MTHFD1L: variants seen among roughly 807,000 people sequenced by gnomAD.
MTHFD1L encodes methylenetetrahydrofolate dehydrogenase (NADP+ dependent) 1 like.
Under a neutral mutation model 119.5 loss-of-function variants are expected in MTHFD1L, and 81 were observed. That is an observed-to-expected ratio of 0.68 (90% CI 0.57 to 0.82). MTHFD1L has a LOEUF of 0.82. Among genes scored for constraint, MTHFD1L ranks in the 40% least tolerant of loss-of-function variants. The pLI is 0.00. For missense variants in MTHFD1L, 1,125 were observed against 1,253.4 expected, an observed-to-expected ratio of 0.90 and a Z score of 1.55; for synonymous variants, 430 against 475.2, an observed-to-expected ratio of 0.90 and a Z score of 1.24.
At chr6:151,100,643 C>CTT (rs201978471) in intron 27 of MTHFD1L, among the ~76,000 whole-genome samples, 11 of 134,930 alleles carry the variant, frequency 8.2e-5, no homozygotes, top group African/African-American at 1.9e-4. Flanking sequence ...TGTTTTGTTT[C>CTT]TTTTTTTTTT....
At chr6:151,073,814 C>A (rs972349765) in intron 26 of MTHFD1L, among the ~76,000 whole-genome samples, 2 of 151,958 alleles carry the variant, frequency 1.3e-5, no homozygotes, top group Admixed American at 6.6e-5. Context: ...AGCAAGAGAG[C>A]AACATTGAGC....
chr6:150,870,809 G>A (rs1583287481), intron 1 of MTHFD1L, among the ~76,000 whole-genome samples: 1 of 151,696 alleles, frequency 6.6e-6, no homozygotes, highest in African/African-American at 2.4e-5. Flanking sequence ...CACTTGGGAG[G>A]CTGAGGCAGG....
intron 8 of MTHFD1L, among the ~76,000 whole-genome samples, chr6:150,913,167 A>G (rs544292053): frequency 4.1e-5 from 6 of 145,684 alleles, no homozygotes; most frequent in Non-Finnish European, 7.6e-5. Context: ...TGCCCAACTA[A>G]TTTTTTTTTT....
chr6:151,067,448 T>C (rs1045462173), intron 26 of MTHFD1L, among the ~76,000 whole-genome samples: 5 of 152,016 alleles, frequency 3.3e-5, no homozygotes, highest in Non-Finnish European at 5.9e-5. Flanking sequence ...CTCAGCCTCC[T>C]GTGTAGCTGG....
chr6:151,010,524 G>A (rs929473485), intron 21 of MTHFD1L, among the ~76,000 whole-genome samples: 1 of 152,116 alleles, frequency 6.6e-6, no homozygotes, highest in Non-Finnish European at 1.5e-5. Flanking sequence ...TTGTTTCTAA[G>A]AGCTTTGCTT....
At chr6:151,048,087 G>A (rs1241817302) in intron 26 of MTHFD1L, among the ~76,000 whole-genome samples, 1 of 152,054 alleles carries the variant, frequency 6.6e-6, no homozygotes, top group African/African-American at 2.4e-5. Flanking sequence ...CCATGATCCA[G>A]TCACCTCCCA....
At chr6:150,937,426 G>T (rs1369421558) in intron 12 of MTHFD1L, among the ~76,000 whole-genome samples, 2 of 152,138 alleles carry the variant, frequency 1.3e-5, no homozygotes, top group Admixed American at 6.5e-5. Context: ...CTGATATCTG[G>T]CACTTCCCCA....
In MTHFD1L at chr6:151,091,968, A is replaced by G. The variant is rs181914940; in HGVS notation, c.2848-499A>G. Among the ~76,000 whole-genome samples, 1,102 of 152,310 alleles carry G rather than the reference A, an allele frequency of 7.2e-3. 7 individuals carry two copies. The highest frequency in any genetic ancestry group is 9.2e-3 in the Non-Finnish European group (623 of 68,042). Reference sequence around the variant, plus strand: ...AGTGCCCATCACAAAGCAAGCTCTCAGTAGATATCAGTTACTGTTATTGAG... The same window carrying G: ...AGTGCCCATCACAAAGCAAGCTCTCGGTAGATATCAGTTACTGTTATTGAG... On this transcript the variant is annotated intron_variant, in intron 26 of 27. Coordinates refer to ENST00000367321, the MANE Select transcript of MTHFD1L (RefSeq NM_015440.5).
chr6:150,883,415 T>C (rs1214295419), intron 5 of MTHFD1L, among the ~76,000 whole-genome samples: 1 of 152,336 alleles, frequency 6.6e-6, no homozygotes, highest in South Asian at 2.1e-4. Context: ...CAATGCCATA[T>C]GATCTTACAC....
intron 1 of MTHFD1L, among the ~76,000 whole-genome samples, chr6:150,872,468 A>T (rs1252410577): frequency 6.6e-6 from 1 of 152,090 alleles, no homozygotes; most frequent in Non-Finnish European, 1.5e-5. Flanking sequence ...GCCAGAGGAG[A>T]GGGAGAGAGA....
At chr6:150,994,523 T>G (rs991662485) in intron 20 of MTHFD1L, among the ~76,000 whole-genome samples, 1 of 152,190 alleles carries the variant, frequency 6.6e-6, no homozygotes, top group Non-Finnish European at 1.5e-5. Flanking sequence ...TCGTCTCTAT[T>G]TTGACAGCAT....
intron 20 of MTHFD1L, among the ~76,000 whole-genome samples, chr6:150,989,551 A>G (rs1455562511): frequency 1.3e-5 from 2 of 152,232 alleles, no homozygotes; most frequent in African/African-American, 4.8e-5. Context: ...TAAAAGTTTT[A>G]GTTTGCTAGT....
chr6:151,023,048 GTTT>G (rs34683676), intron 24 of MTHFD1L, among the ~76,000 whole-genome samples: 1 of 134,164 alleles, frequency 7.5e-6, no homozygotes, highest in Non-Finnish European at 1.6e-5. Context: ...TGGTTTTTGG[GTTT>G]TTTTTTTTTT....
chr6:150,964,768 C>T (rs2129006788), intron 18 of MTHFD1L, among the ~76,000 whole-genome samples: 1 of 152,282 alleles, frequency 6.6e-6, no homozygotes, highest in East Asian at 1.9e-4. Flanking sequence ...ACCCCATCAC[C>T]ATTCACATCT....
chr6:150,965,440 T>C (rs1624104), intron 19 of MTHFD1L, among the ~76,000 whole-genome samples: 71,400 of 151,480 alleles, frequency 0.47, 17,707 homozygotes, highest in South Asian at 0.59. Context: ...GTGGGCGGAT[T>C]ATGAGGTCAG....
At chr6:150,988,087 A>C (rs1279232366) in intron 20 of MTHFD1L, among the ~76,000 whole-genome samples, 1 of 152,202 alleles carries the variant, frequency 6.6e-6, no homozygotes, top group Non-Finnish European at 1.5e-5. Context: ...AGTTCTGCTT[A>C]CCATCATAAA....
At chr6:150,990,088 G>T (rs1169191437) in intron 20 of MTHFD1L, among the ~76,000 whole-genome samples, 2 of 152,098 alleles carry the variant, frequency 1.3e-5, no homozygotes, top group Non-Finnish European at 2.9e-5. Flanking sequence ...AGACCAGCTT[G>T]GCCAACATGG....
chr6:151,045,546 ATC>A (rs1277675456), intron 26 of MTHFD1L, among the ~76,000 whole-genome samples: 3 of 152,148 alleles, frequency 2.0e-5, no homozygotes, highest in South Asian at 2.1e-4. Context: ...CATCTGTGCA[ATC>A]TCTCTGATGA....
chr6:150,982,409 G>C (rs537600429), intron 20 of MTHFD1L, among the ~76,000 whole-genome samples: 1 of 152,150 alleles, frequency 6.6e-6, no homozygotes, highest in Non-Finnish European at 1.5e-5. Context: ...CCTTCTGTGC[G>C]TGCATGTAGC....
Sources: allele counts gnomAD v4.1 joint callset (sites outside exome capture counted in the v4.1 genomes callset), GRCh38; gene constraint gnomAD v4.1.1; transcripts MANE v1.5; gene names NCBI Gene and HGNC (gene_info 2026-07-23, HGNC 2026-07-21).